The following ATRNL1 variants were observed in gnomAD, a reference collection of about 807,000 sequenced individuals.
ATRNL1 encodes the protein attractin-like protein 1.
ATRNL1 carries 95 observed loss-of-function variants against 182.7 expected under a neutral mutation model. The ratio of observed to expected loss-of-function variants is 0.52; its 90% CI spans 0.44 to 0.62. ATRNL1 has a LOEUF of 0.62. Among genes scored for constraint, ATRNL1 ranks in the 20% least tolerant of loss-of-function variants. The pLI is 0.00. For missense variants in ATRNL1, 1,471 were observed against 1,679.5 expected (o/e 0.88, Z 2.17); for synonymous variants, 576 against 568.3 (o/e 1.01, Z -0.19).
chr10:115,517,700 A>T (rs1363247937), intron 24 of ATRNL1, among the ~76,000 whole-genome samples: 1 of 151,758 alleles, frequency 6.6e-6, no homozygotes, highest in African/African-American at 2.4e-5. Flanking sequence ...TTTGTCTTAA[A>T]TAAACTAATT....
At chr10:115,692,051 A>G (rs1228763203) in intron 26 of ATRNL1, among the ~76,000 whole-genome samples, 2 of 152,162 alleles carry the variant, frequency 1.3e-5, no homozygotes, top group Non-Finnish European at 2.9e-5. Context: ...CCAAATATAA[A>G]ATTCTTAACT....
chr10:115,327,401 A>G (rs1854956234), intron 18 of ATRNL1, among the ~76,000 whole-genome samples: 1 of 152,222 alleles, frequency 6.6e-6, no homozygotes, highest in African/African-American at 2.4e-5. Flanking sequence ...ATCTCACACC[A>G]GTGAGAATAG....
chr10:115,112,220 A>G (rs536288990), intron 1 of ATRNL1, among the ~76,000 whole-genome samples: 18 of 152,340 alleles, frequency 1.2e-4, no homozygotes, highest in South Asian at 8.3e-4. Context: ...TAAAATGTCT[A>G]TATTACCCAA....
chr10:115,503,488 G>A (rs922784005), intron 24 of ATRNL1, among the ~76,000 whole-genome samples: 3 of 150,368 alleles, frequency 2.0e-5, no homozygotes. Flanking sequence ...CTAAAACGGT[G>A]AGATGCAATA....
rs183470798 is a variant in ATRNL1, at chr10:115,659,226, C to A, written c.3796-68022C>A. ...TTGGCTTGTGGAGGGTCCTACACAA[C>A]CCAATATAGTTTCCCTGCACTCTGC... On this transcript the variant is annotated intron_variant, in intron 26 of 28. Transcript: ENST00000355044. Among the ~76,000 whole-genome samples the A allele has an allele frequency of 1.8e-3, 272 of 152,142 alleles. 1 individual carries two copies. Among genetic ancestry groups the A allele is most frequent in the African/African-American group, 6.2e-3 (258 of 41,510 alleles).
intron 25 of ATRNL1, among the ~76,000 whole-genome samples, chr10:115,542,682 T>A (rs1284966621): frequency 6.6e-6 from 1 of 152,146 alleles, no homozygotes; most frequent in Non-Finnish European, 1.5e-5. Context: ...TTGGGAAGTG[T>A]CTTAGTGTGC....
intron 26 of ATRNL1, among the ~76,000 whole-genome samples, chr10:115,645,638 G>T (rs1555032029): frequency 2.0e-5 from 3 of 151,870 alleles, no homozygotes; most frequent in African/African-American, 7.2e-5. Context: ...ATGAAAAGAT[G>T]TGTTTGTTCC....
intron 19 of ATRNL1, among the ~76,000 whole-genome samples, chr10:115,365,785 A>G (rs1857004365): frequency 6.6e-6 from 1 of 152,158 alleles, no homozygotes; most frequent in Non-Finnish European, 1.5e-5. Flanking sequence ...TGTATCCAGT[A>G]GTCATTCAGG....
intron 15 of ATRNL1, among the ~76,000 whole-genome samples, chr10:115,288,576 C>T (rs1157042497): frequency 6.0e-5 from 9 of 149,556 alleles, no homozygotes; most frequent in South Asian, 4.2e-4. Context: ...GGCTGGAGTG[C>T]GGTGGCATGA....
intron 27 of ATRNL1, among the ~76,000 whole-genome samples, chr10:115,777,557 A>G (rs1949158120): frequency 6.6e-6 from 1 of 152,180 alleles, no homozygotes; most frequent in African/African-American, 2.4e-5. Context: ...ATGGTATTTG[A>G]TGTATTTTAA....
chr10:115,713,537 A>G (rs1947134787), intron 26 of ATRNL1, among the ~76,000 whole-genome samples: 1 of 151,690 alleles, frequency 6.6e-6, no homozygotes, highest in Admixed American at 6.6e-5. Context: ...AGAAAATGAA[A>G]TTTTAGGTAA....
At chr10:115,263,385 C>T (rs1315334832) in intron 10 of ATRNL1, among the ~76,000 whole-genome samples, 1 of 151,658 alleles carries the variant, frequency 6.6e-6, no homozygotes, top group Non-Finnish European at 1.5e-5. Flanking sequence ...ACATATGAAC[C>T]CTTTTGCATT....
At chr10:115,148,057 C>A (rs576500000) in intron 5 of ATRNL1, among the ~76,000 whole-genome samples, 1 of 152,148 alleles carries the variant, frequency 6.6e-6, no homozygotes, top group South Asian at 2.1e-4. Context: ...GTCATTTTAA[C>A]AATATTAATT....
intron 26 of ATRNL1, among the ~76,000 whole-genome samples, chr10:115,563,021 T>A (rs1853847801): frequency 6.6e-6 from 1 of 152,206 alleles, no homozygotes; most frequent in African/African-American, 2.4e-5. Context: ...AAGATGGTGT[T>A]ATTATACTAC....
At chr10:115,350,967 A>G (rs1054265209) in intron 19 of ATRNL1, among the ~76,000 whole-genome samples, 3 of 152,048 alleles carry the variant, frequency 2.0e-5, no homozygotes, top group Non-Finnish European at 4.4e-5. Flanking sequence ...AGTTTTAATT[A>G]TACAGAGCTT....
chr10:115,261,007 A>G (rs577351814), intron 10 of ATRNL1, among the ~76,000 whole-genome samples: 1 of 152,232 alleles, frequency 6.6e-6, no homozygotes, highest in East Asian at 1.9e-4. Context: ...TTTAAGACTA[A>G]AAGAGCCTAC....
At chr10:115,922,604 T>A (rs1315898698) in intron 28 of ATRNL1, among the ~76,000 whole-genome samples, 2 of 152,158 alleles carry the variant, frequency 1.3e-5, no homozygotes, top group Non-Finnish European at 2.9e-5. Context: ...GTGTTGGGAT[T>A]ACAGGCATGA....
chr10:115,128,808 C>T (rs1367594375), intron 4 of ATRNL1, among the ~76,000 whole-genome samples: 2 of 129,900 alleles, frequency 1.5e-5, no homozygotes, highest in Non-Finnish European at 3.1e-5. Context: ...GCCTGGGCGA[C>T]AGAGCGAGAC....
intron 19 of ATRNL1, among the ~76,000 whole-genome samples, chr10:115,364,790 G>A (rs1327112564): frequency 5.3e-5 from 8 of 151,828 alleles, no homozygotes; most frequent in African/African-American, 1.9e-4. Context: ...TGTGGTTTGT[G>A]TCTTTGGCTC....
Sources: allele counts gnomAD v4.1 joint callset (sites outside exome capture counted in the v4.1 genomes callset), GRCh38; gene constraint gnomAD v4.1.1; transcripts MANE v1.5; gene names NCBI Gene and HGNC (gene_info 2026-07-23, HGNC 2026-07-21).